The following RNF150 variants were observed in gnomAD, a reference collection of about 807,000 sequenced individuals.
RNF150 encodes the protein ring finger protein 150.
RNF150 carries 24 observed loss-of-function variants against 39.3 expected under a neutral mutation model. The observed-to-expected ratio is 0.61, with a 90% CI of 0.44 to 0.86. The LOEUF (loss-of-function observed/expected upper bound fraction) is 0.86, where lower values mean the gene tolerates loss of function less well. Ranked by LOEUF, RNF150 falls within the 40% of genes least tolerant of loss-of-function variation. The probability of loss-of-function intolerance (pLI) is 0.00; values close to 1 mark genes in which losing one functional copy is unlikely to be tolerated. For synonymous variants in RNF150, 255 were observed against 227.3 expected, an observed-to-expected ratio of 1.12 and a Z score of -1.10; for missense variants, 502 against 587.8, an observed-to-expected ratio of 0.85 and a Z score of 1.51.
chr4:140,911,179 A>C lies in RNF150; in HGVS notation c.1163T>G (p.Ile388Ser). 6.2e-7 allele frequency: 1 copy of C among 1,613,940 alleles called. No homozygotes were observed. The highest frequency in any genetic ancestry group is 8.5e-7 in the Non-Finnish European group (1 of 1,179,956). Residue 388 changes from isoleucine to serine, a missense_variant, in exon 6 of 7, where the codon ATC (isoleucine) becomes AGC (serine). Physicochemically the swap from Ile to Ser is moderately radical, Grantham distance 142. Transcript: ENST00000515673. The stretch of plus-strand genomic sequence containing the variant: ...AAAGATGACGTCTCCCTCCTGGGGG[A>C]TGGGGTCTGTATCCTGGACCACCTG... ...ALQVVQDTDPIPQEGDVIFTT... is the reference protein window; with the variant it reads ...ALQVVQDTDPSPQEGDVIFTT...
intron 6 of RNF150, among the ~76,000 whole-genome samples, chr4:140,876,214 C>T (rs370161647): frequency 6.6e-6 from 1 of 152,176 alleles, no homozygotes; most frequent in East Asian, 1.9e-4. Flanking sequence ...TTCCAATCAA[C>T]CCTGTATTGT....
intron 6 of RNF150, among the ~76,000 whole-genome samples, chr4:140,904,093 T>C (rs771044748): frequency 2.0e-5 from 3 of 152,206 alleles, no homozygotes; most frequent in Non-Finnish European, 2.9e-5. Context: ...TGGCATGTGC[T>C]TATTGCAGAG....
rs143367271 is a variant in RNF150, at chr4:140,949,212, A to T, written c.807+89T>A. The T allele has an allele frequency of 7.2e-4, 672 of 934,552 alleles. 3 individuals carry two copies. In the African/African-American group the frequency reaches 9.5e-3, roughly 13 times the overall value. 57.9% of individuals were successfully genotyped at this position (934,552 alleles called of 1,614,324 possible). A position where few individuals can be genotyped will look rare whatever the true frequency, so the allele number is the denominator to read the frequency against. On this transcript the variant is annotated intron_variant, in intron 3 of 6. Coordinates refer to ENST00000515673, the MANE Select transcript of RNF150 (RefSeq NM_020724.2). ...CTGTTAGCATATATTTCCCTTTCCC[A>T]TCCTTTCCTCTCTTCCACCCTGGCT...
chr4:141,145,292 A>T (rs966174523), intron 1 of RNF150, among the ~76,000 whole-genome samples: 7 of 152,246 alleles, frequency 4.6e-5, no homozygotes, highest in African/African-American at 1.4e-4. Context: ...ACATTGACCT[A>T]TGAAGAAATA....
chr4:141,200,584 C>T (rs186498735), intron 1 of RNF150, among the ~76,000 whole-genome samples: 98 of 150,634 alleles, frequency 6.5e-4, no homozygotes, highest in African/African-American at 2.2e-3. Context: ...TCCTCATGAC[C>T]TAATTGCCTC....
intron 1 of RNF150, among the ~76,000 whole-genome samples, chr4:141,053,083 T>C (rs1204876595): frequency 6.6e-6 from 1 of 152,118 alleles, no homozygotes; most frequent in East Asian, 1.9e-4. Context: ...ATGAAAAGTG[T>C]TTAAATTACT....
At chr4:141,134,738 G>T (rs762871415), upstream of RNF150, among the ~76,000 whole-genome samples, 1 of 152,162 alleles carries the variant, frequency 6.6e-6, no homozygotes, top group East Asian at 1.9e-4. Context: ...TAGGCAATTG[G>T]GACAGTGCTT....
chr4:140,986,865 A>G (rs1734032919), intron 1 of RNF150, among the ~76,000 whole-genome samples: 1 of 152,106 alleles, frequency 6.6e-6, no homozygotes, highest in Non-Finnish European at 1.5e-5. Flanking sequence ...TTACATACCT[A>G]GAAAACCCTA....
intron 5 of RNF150, among the ~76,000 whole-genome samples, chr4:140,920,979 T>C (rs13135992): frequency 0.55 from 82,636 of 150,390 alleles, 23,201 homozygotes; most frequent in East Asian, 0.89. Flanking sequence ...TAGGTGGGAA[T>C]TGAACACTGA....
chr4:141,103,267 CTCATGGAT>C (rs1207124468), intron 1 of RNF150, among the ~76,000 whole-genome samples: 16 of 152,270 alleles, frequency 1.1e-4, no homozygotes, highest in African/African-American at 3.9e-4. Context: ...GTTATAGATC[CTCATGGAT>C]TTATGTCAGA....
intron 1 of RNF150, among the ~76,000 whole-genome samples, chr4:141,098,465 C>G (rs1407686880): frequency 2.0e-5 from 3 of 152,212 alleles, no homozygotes; most frequent in South Asian, 2.1e-4. Flanking sequence ...GGGTGTTTGC[C>G]TCATACTGGG....
At chr4:140,982,176 T>G (rs983388492) in intron 1 of RNF150, among the ~76,000 whole-genome samples, 5 of 152,178 alleles carry the variant, frequency 3.3e-5, no homozygotes, top group African/African-American at 7.2e-5. Context: ...TCCAATTTAC[T>G]GATGGACTCT....
chr4:140,912,649 G>A (rs1578956871), intron 5 of RNF150, among the ~76,000 whole-genome samples: 2 of 152,260 alleles, frequency 1.3e-5, no homozygotes, highest in South Asian at 2.1e-4. Flanking sequence ...CTCCACACCT[G>A]TGTCCTAACA....
Position 141,132,683 on chromosome 4 carries a change from G to C in RNF150, c.126C>G (p.Ala42=), listed in dbSNP as rs375733760. ...GCTCGGCGTAGGTGATGTTCACGAA[G>C]GCGGTGTACCATTCCTCCTTCTCGG... ...TVAEKEEWYT[A]FVNITYAEPA... is the part of the protein sequence containing the mutation. Residue 42 remains alanine, a synonymous_variant, in exon 1 of 7, where the codon GCC becomes GCG. Transcript: ENST00000515673. The surrounding 1 kb of genome is among the most constrained non-coding windows in gnomAD (Gnocchi z 4.9). 20 of 1,608,560 alleles carry C rather than the reference G, an allele frequency of 1.2e-5. No homozygotes were observed. In the African/African-American group the frequency reaches 2.7e-4, roughly 22 times the overall value.
intron 4 of RNF150, among the ~76,000 whole-genome samples, chr4:140,936,884 A>G (rs958825485): frequency 6.6e-6 from 1 of 152,146 alleles, no homozygotes; most frequent in Non-Finnish European, 1.5e-5. Flanking sequence ...AATCAAACAT[A>G]TGGGAATTTA....
chr4:141,066,897 T>C (rs140232247), intron 1 of RNF150, among the ~76,000 whole-genome samples: 49 of 152,318 alleles, frequency 3.2e-4, no homozygotes, highest in African/African-American at 1.2e-3. Flanking sequence ...AATGTACTTA[T>C]ACAAACCTAG....
At chr4:140,930,154 C>G (rs1223185652) in intron 4 of RNF150, among the ~76,000 whole-genome samples, 1 of 152,048 alleles carries the variant, frequency 6.6e-6, no homozygotes, top group Non-Finnish European at 1.5e-5. Flanking sequence ...GAGCAAGACT[C>G]TACCTCAAAA....
intron 1 of RNF150, among the ~76,000 whole-genome samples, chr4:141,208,993 T>C (rs1238747792): frequency 1.3e-5 from 2 of 152,060 alleles, no homozygotes; most frequent in East Asian, 3.9e-4. Context: ...AAGAGTAAGT[T>C]TGAATAATTA....
intron 4 of RNF150, among the ~76,000 whole-genome samples, chr4:140,932,660 T>C (rs1204224708): frequency 1.3e-5 from 2 of 152,192 alleles, no homozygotes; most frequent in Admixed American, 6.5e-5. Flanking sequence ...ACTGATAAAA[T>C]GAGGATAACA....
Sources: gnomAD v4.1 joint callset for allele counts (sites outside exome capture counted in the v4.1 genomes callset) on GRCh38, gnomAD v4.1.1 for gene constraint, Gnocchi (gnomAD v3.1) non-coding constraint, MANE v1.5 for transcripts, NCBI Gene and HGNC (gene_info 2026-07-23, HGNC 2026-07-21) for gene names.